Variants in DYSF observed in about 807,000 individuals in gnomAD.
The protein encoded by DYSF is dystrophy-associated fer-1-like 1.
Under a neutral mutation model 274.9 loss-of-function variants are expected in DYSF, and 212 were observed. That is an observed-to-expected ratio of 0.77 (90% CI 0.69 to 0.86). The LOEUF (loss-of-function observed/expected upper bound fraction) is 0.86. Among genes scored for constraint, DYSF ranks in the 40% least tolerant of loss-of-function variants. The pLI is 0.00. For synonymous variants in DYSF, 1,091 were observed against 1,078.7 expected, an observed-to-expected ratio of 1.01 and a Z score of -0.22; for missense variants, 2,666 against 2,783.2, an observed-to-expected ratio of 0.96 and a Z score of 0.95.
chr2:71,531,983 C>T (rs2088776073), intron 14 of DYSF, among the ~76,000 whole-genome samples: 1 of 152,168 alleles, frequency 6.6e-6, no homozygotes, highest in African/African-American at 2.4e-5. Flanking sequence ...GGTAATGAGT[C>T]AGCATTCACT....
At chr2:71,550,272 C>G (rs72900867) in intron 17 of DYSF, among the ~76,000 whole-genome samples, 67 of 152,342 alleles carry the variant, frequency 4.4e-4, no homozygotes, top group African/African-American at 1.6e-3. Context: ...GGAAACTCAG[C>G]TGTGAGCTGG....
Position 71,667,367 on chromosome 2 carries a change from C to T in DYSF, c.5318-9C>T, listed in dbSNP as rs2152953894. On this transcript the variant is annotated splice_polypyrimidine_tract_variant and intron_variant, in intron 47 of 55. Transcript: ENST00000410020. ...CTCCTGCAACTTTTTTGTCTTCTCTCTGGGGCAGAGGCTGGCAGGATCCCA... is the reference window on the plus strand; with the variant it reads ...CTCCTGCAACTTTTTTGTCTTCTCTTTGGGGCAGAGGCTGGCAGGATCCCA... 2.5e-6 allele frequency: 4 copies of T among 1,614,092 alleles called. No individual in the cohort carries two copies. Among genetic ancestry groups the T allele is most frequent in the Non-Finnish European group, 3.4e-6 (4 of 1,180,032 alleles).
chr2:71,543,528 GA>G (rs1391491847), intron 17 of DYSF, among the ~76,000 whole-genome samples: 2 of 152,198 alleles, frequency 1.3e-5, no homozygotes, highest in Non-Finnish European at 2.9e-5. Context: ...GGTGGAGGTT[GA>G]TAGCGAGCCG....
At chr2:71,681,238 C>A in intron 54 of DYSF, 128 bp downstream of exon 54, 1 of 799,446 alleles carries the variant, frequency 1.3e-6, no homozygotes, top group Non-Finnish European at 2.1e-6. Context: ...GGGCACGACT[C>A]ATCCAAGGCC....
chr2:71,631,822 C>T (rs900650754), intron 41 of DYSF, among the ~76,000 whole-genome samples: 1 of 151,898 alleles, frequency 6.6e-6, no homozygotes, highest in Non-Finnish European at 1.5e-5. Context: ...GTGGTCTCCT[C>T]GGGAGTGCAC....
intron 32 of DYSF, among the ~76,000 whole-genome samples, chr2:71,596,394 A>T (rs2152852936): frequency 6.6e-6 from 1 of 152,308 alleles, no homozygotes; most frequent in East Asian, 1.9e-4. Context: ...AAGCGTAGGG[A>T]AGCACGGGGC....
chr2:71,526,185 G>A (rs781489272), intron 12 of DYSF, 35 bp from the exon 13 acceptor site: 3 of 1,614,184 alleles, frequency 1.9e-6, no homozygotes, highest in South Asian at 1.1e-5. Flanking sequence ...GTGCTCAGGA[G>A]CGCATGAAGG....
intron 36 of DYSF, among the ~76,000 whole-genome samples, chr2:71,609,069 G>C (rs1315763245): frequency 6.6e-6 from 1 of 152,156 alleles, no homozygotes; most frequent in East Asian, 1.9e-4. Context: ...AGGACACCCT[G>C]CTGTGCTGCC....
intron 22 of DYSF, among the ~76,000 whole-genome samples, chr2:71,558,290 G>A (rs1347457448): frequency 6.6e-6 from 1 of 152,142 alleles, no homozygotes; most frequent in African/African-American, 2.4e-5. Flanking sequence ...GCCAGTTGAG[G>A]GGGAGGTGAG....
intron 12 of DYSF, among the ~76,000 whole-genome samples, chr2:71,524,844 G>A: frequency 6.6e-6 from 1 of 152,184 alleles, no homozygotes; most frequent in East Asian, 1.9e-4. Context: ...AAGCCCCCTT[G>A]CTCTGTGCTC....
Position 71,553,878 on chromosome 2 carries a change from A to G in DYSF, c.2056A>G (p.Ile686Val). 1 of 1,614,106 alleles carries G rather than the reference A, an allele frequency of 6.2e-7. No homozygotes were observed. The highest frequency in any genetic ancestry group is 8.5e-7 in the Non-Finnish European group (1 of 1,179,998). Residue 686 changes from isoleucine (I) to valine (V), a missense_variant, in exon 21 of 56, where the codon ATC (isoleucine) becomes GTC (valine). By Grantham distance (29) the Ile-to-Val change is conservative (BLOSUM62 3). This residue lies in a region of DYSF where 412 missense variants were observed against 504.0 expected (regional missense o/e 0.82). Transcript: ENST00000410020. The stretch of plus-strand genomic sequence containing the variant: ...GGTGCTGTCATCCTACTGGGAGGAC[A>G]TCAGCCATAGAATCGAGACTCAGAA... ...VVVLSSYWED[I>V]SHRIETQNQL...
intron 12 of DYSF, among the ~76,000 whole-genome samples, chr2:71,521,606 C>A (rs1173430291): frequency 6.6e-6 from 1 of 152,048 alleles, no homozygotes; most frequent in Non-Finnish European, 1.5e-5. Context: ...GGGTGAGGTA[C>A]CTGAATATGG....
Position 71,615,406 on chromosome 2 carries a change from G to A in DYSF, c.4464+1996G>A, listed in dbSNP as rs1863810. Among the ~76,000 whole-genome samples, 2 of 151,958 alleles carry A rather than the reference G, an allele frequency of 1.3e-5. No individual in the cohort carries two copies. The highest frequency in any genetic ancestry group is 4.8e-5 in the African/African-American group (2 of 41,398). On this transcript the variant is annotated intron_variant, in intron 40 of 55. Transcript: ENST00000410020. This position sits in a 1 kb window ranked among gnomAD's most constrained non-coding sequence, Gnocchi z 4.9. ...GGAAATGACACTGATTTGCTCTGAT[G>A]GGGGAGGCTTGGACCTTGCCCTCAT...
At chr2:71,677,497 C>T (rs2095240747) in intron 52 of DYSF, among the ~76,000 whole-genome samples, 1 of 152,026 alleles carries the variant, frequency 6.6e-6, no homozygotes, top group Non-Finnish European at 1.5e-5. Flanking sequence ...CAAGAATTTT[C>T]ATATGGTTCA....
At chr2:71,479,543 C>T (rs1337026607) in intron 1 of DYSF, among the ~76,000 whole-genome samples, 2 of 152,220 alleles carry the variant, frequency 1.3e-5, no homozygotes, top group Admixed American at 6.5e-5. Context: ...TTTCTCCCAG[C>T]CTACGGCTCT....
intron 43 of DYSF, among the ~76,000 whole-genome samples, chr2:71,657,933 C>T (rs2094803569): frequency 1.3e-5 from 2 of 152,306 alleles, no homozygotes; most frequent in East Asian, 1.9e-4. Context: ...ACATTAGGCT[C>T]CTTGCTACTT....
rs886042827 is a variant in DYSF at position 71,590,277 on chromosome 2, ACT to A, written c.3566_3567del (p.Ser1189PhefsTer3). Reference sequence around the variant, plus strand: ...CGGGACCTGGCTGCGATGGACAAGGACTCTTTTTCTGGTAGGTGGGAGAGAGG... The same window carrying A: ...CGGGACCTGGCTGCGATGGACAAGGACTTTTTCTGGTAGGTGGGAGAGAGG... On this transcript the variant is annotated frameshift_variant, in exon 32 of 56. Transcript: ENST00000410020. LOFTEE classifies it high-confidence loss of function. 12 of 1,613,732 alleles carry A rather than the reference ACT, an allele frequency of 7.4e-6. No individual in the cohort carries two copies. Among genetic ancestry groups the A allele is most frequent in the Non-Finnish European group, 1.0e-5 (12 of 1,179,974 alleles).
intron 44 of DYSF, 27 bp downstream of exon 44, chr2:71,659,060 C>T (rs1558750961): frequency 8.1e-6 from 13 of 1,613,964 alleles, no homozygotes; most frequent in Non-Finnish European, 1.1e-5. Context: ...CCTCACCTCC[C>T]CCAGAGTAGC....
intron 51 of DYSF, among the ~76,000 whole-genome samples, chr2:71,673,935 T>A (rs908890364): frequency 6.6e-6 from 1 of 152,098 alleles, no homozygotes; most frequent in Non-Finnish European, 1.5e-5. Flanking sequence ...AAAATGGGAG[T>A]GATAACCTTG....
Sources: allele counts gnomAD v4.1 joint callset (sites outside exome capture counted in the v4.1 genomes callset), GRCh38; gene constraint gnomAD v4.1.1; regional missense constraint gnomAD v4.1.1; non-coding constraint Gnocchi (gnomAD v3.1); transcripts MANE v1.5; gene names NCBI Gene and HGNC (gene_info 2026-07-23, HGNC 2026-07-21).